The following EIF3B variants were observed in gnomAD, a reference collection of about 807,000 sequenced individuals.
EIF3B encodes the protein eukaryotic translation initiation factor 3 subunit B, also known as eukaryotic translation initiation factor 3 subunit 9.
In EIF3B, 10 loss-of-function variants were observed where a neutral mutation model predicts 104.6. The observed-to-expected ratio is 0.10, with a 90% CI of 0.06 to 0.16. The LOEUF (loss-of-function observed/expected upper bound fraction) is 0.16. Ranked by LOEUF, EIF3B falls within the 10% of genes least tolerant of loss-of-function variation. The pLI is 1.00. For synonymous variants in EIF3B, 542 were observed against 417.2 expected, an observed-to-expected ratio of 1.30 and a Z score of -3.65; for missense variants, 1,014 against 1,087.9, an observed-to-expected ratio of 0.93 and a Z score of 0.96.
At chr7:2,367,215 CTG>C (rs960376156) in intron 9 of EIF3B, 170 bp downstream of exon 9, 1 of 604,554 alleles carries the variant, frequency 1.7e-6, no homozygotes, top group African/African-American at 1.9e-5. Flanking sequence ...TGCAGACTGT[CTG>C]GTGACGGCCC....
chr7:2,366,731 A>T, intron 8 of EIF3B, 140 bp downstream of exon 8: 1 of 995,570 alleles, frequency 1.0e-6, no homozygotes, highest in Non-Finnish European at 1.5e-6. Context: ...GTGCCTTTTT[A>T]ACTGCCCCTG....
chr7:2,367,243 G>A (rs1166686285), intron 9 of EIF3B, 198 bp downstream of exon 9: 2 of 544,902 alleles, frequency 3.7e-6, no homozygotes, highest in Non-Finnish European at 6.4e-6. Context: ...CCTCCTAGTG[G>A]ACAGCCCCTC....
chr7:2,367,102 CAAA>C (rs60382761), intron 9 of EIF3B, 57 bp downstream of exon 9: 9,731 of 819,818 alleles, frequency 0.012, no homozygotes, highest in South Asian at 0.016. Flanking sequence ...AACACAATAC[CAAA>C]AAAAAAAAAA....
chr7:2,379,966 G>A (rs1383863898), intron 18 of EIF3B: 7 of 248,788 alleles, frequency 2.8e-5, no homozygotes, highest in Admixed American at 1.0e-4. Flanking sequence ...GGGGGCCTCC[G>A]CGCCTCACAG....
chr7:2,376,871 C>T lies in EIF3B; in HGVS notation c.2029-79C>T. 5.2e-6 allele frequency: 8 copies of T among 1,552,934 alleles called. No homozygotes were observed. In the South Asian group the frequency reaches 9.7e-5, roughly 19 times the overall value. On this transcript the variant is annotated intron_variant, in intron 14 of 18. Coordinates refer to ENST00000360876, the MANE Select transcript of EIF3B (RefSeq NM_001037283.2). ...TCACACGTGTCCCCGATACCCAGGA[C>T]CTTGTTCAGCAAGTGACATAGTCAC...
In EIF3B at chr7:2,361,977, T is replaced by C. The variant is rs989242212; in HGVS notation, c.693-668T>C. ...CTTATTTATTTATTTATTTATTTAT[T>C]GAGACAGAGTCTTGCTCTGTCACCC... On this transcript the variant is annotated intron_variant, in intron 2 of 18. Transcript: ENST00000360876. Among the ~76,000 whole-genome samples, 8 of 151,824 alleles carry C rather than the reference T, an allele frequency of 5.3e-5. 1 individual carries two copies. Among genetic ancestry groups the C allele is most frequent in the African/African-American group, 1.9e-4 (8 of 41,308 alleles).
upstream of EIF3B, chr7:2,354,089 AC>A (rs1205282744): frequency 6.6e-6 from 1 of 152,372 alleles, no homozygotes; most frequent in Non-Finnish European, 1.5e-5. Flanking sequence ...CCCCCACGTG[AC>A]CCGCGCTGTC....
In EIF3B at chr7:2,360,703, T is replaced by G; in HGVS notation, c.500-7T>G. The G allele has an allele frequency of 1.9e-6, 3 of 1,571,408 alleles. No homozygotes were observed. Among genetic ancestry groups the G allele is most frequent in the Non-Finnish European group, 2.6e-6 (3 of 1,151,518 alleles). Reference sequence around the variant, plus strand: ...AAATGATCATTTGAAAAATCTCTCTTGTTCAGAATTACTGGGAGATGTACT... The same window carrying G: ...AAATGATCATTTGAAAAATCTCTCTGGTTCAGAATTACTGGGAGATGTACT... On this transcript the variant is annotated splice_region_variant and splice_polypyrimidine_tract_variant and intron_variant, in intron 1 of 18. Transcript: ENST00000360876.
rs1042589303 is a variant in EIF3B at position 2,359,858 on chromosome 7, C to T, written c.500-852C>T. The stretch of plus-strand genomic sequence containing the variant: ...GGAGAACTGCTTGATGCGACACCCA[C>T]GTCCGGTGTCAGGCGTTGTGTTGAG... On this transcript the variant is annotated intron_variant, in intron 1 of 18. Coordinates refer to ENST00000360876, the MANE Select transcript of EIF3B (RefSeq NM_001037283.2). 1.1e-4 allele frequency among the ~76,000 whole-genome samples: 17 copies of T among 152,326 alleles called. 1 individual carries two copies. The highest frequency in any genetic ancestry group is 3.6e-4 in the African/African-American group (15 of 41,560).
Position 2,376,814 on chromosome 7 carries a change from G to T in EIF3B, c.2029-136G>T. The T allele has an allele frequency of 2.3e-6, 3 of 1,314,672 alleles. No individual in the cohort carries two copies. The Middle Eastern group carries it at 8.2e-4, about 358-fold the overall frequency. 81.4% of individuals were successfully genotyped at this position (1,314,672 alleles called of 1,614,324 possible). On this transcript the variant is annotated intron_variant, in intron 14 of 18. Transcript: ENST00000360876. The stretch of plus-strand genomic sequence containing the variant: ...GCATTGACTGCCCACCTACCCTGCT[G>T]TCAGCTCAGCACAGGCAGAGCTTTG...
intron 10 of EIF3B, 123 bp downstream of exon 10, chr7:2,369,805 T>A: frequency 5.4e-5 from 38 of 703,154 alleles, no homozygotes; most frequent in Non-Finnish European, 7.4e-5. Flanking sequence ...TGAGATGGAG[T>A]CTCACTCTGT....
At chr7:2,369,903 A>G (rs1780231838) in intron 10 of EIF3B, among the ~76,000 whole-genome samples, 1 of 148,226 alleles carries the variant, frequency 6.7e-6, no homozygotes, top group African/African-American at 2.5e-5. Flanking sequence ...CAGCTTCCCA[A>G]GTAGCTGGGA....
At position 2,360,760 on chromosome 7, in the gene EIF3B, G is replaced by A. The variant is rs770552909; in HGVS notation, c.550G>A (p.Asp184Asn). ...KDRPQEADGI[D>N]SVIVVDNVPQ... is the part of the protein sequence containing the mutation. ...TCGGCCCCAGGAAGCAGATGGAATC[G>A]ATTCGGTGATTGTAGTGGACAATGT... is the stretch of plus-strand genomic sequence containing the variant. The change falls in exon 2 of 19, where the codon GAT (aspartate) becomes AAT (asparagine). Residue 184 changes from aspartate to asparagine, a missense_variant. Around this residue, in one of 4 missense-constraint regions of EIF3B, gnomAD observed 488 missense variants for 404.3 expected, o/e 1.21. Transcript: ENST00000360876. 6.2e-7 allele frequency: 1 copy of A among 1,601,890 alleles called. No individual in the cohort carries two copies. The highest frequency in any genetic ancestry group is 8.5e-7 in the Non-Finnish European group (1 of 1,169,748).
chr7:2,377,254 G>A (rs1780684790), intron 15 of EIF3B, among the ~76,000 whole-genome samples, 179 bp downstream of exon 15: 1 of 152,232 alleles, frequency 6.6e-6, no homozygotes, highest in South Asian at 2.1e-4. Flanking sequence ...ACAGCTTTAG[G>A]ATAGTAACTT....
At chr7:2,366,865 C>A in intron 8 of EIF3B, 134 bp from the exon 9 acceptor site, 1 of 967,982 alleles carries the variant, frequency 1.0e-6, no homozygotes, top group Non-Finnish European at 1.6e-6. Flanking sequence ...GATGGGTTCA[C>A]TGTCACGCTC....
At chr7:2,375,591 ACT>A (rs1780586484) in intron 14 of EIF3B, 64 bp downstream of exon 14, 6 of 1,605,654 alleles carry the variant, frequency 3.7e-6, no homozygotes, top group Non-Finnish European at 5.1e-6. Context: ...CTAGCTGCTG[ACT>A]CTGGTGCTGT....
intron 18 of EIF3B, 115 bp downstream of exon 18, chr7:2,379,626 G>C (rs1444724056): frequency 4.2e-6 from 3 of 719,096 alleles, no homozygotes; most frequent in Non-Finnish European, 4.7e-6. Context: ...TGAAGCCCTA[G>C]TGTCATGTGC....
chr7:2,379,022 T>C (rs112844131), intron 16 of EIF3B, 112 bp from the exon 17 acceptor site: 1 of 896,402 alleles, frequency 1.1e-6, no homozygotes, highest in Non-Finnish European at 1.7e-6. Context: ...CCATTCCTGC[T>C]TGAGTGCCTC....
chr7:2,366,256 A>C, intron 6 of EIF3B, 61 bp from the exon 7 acceptor site: 1 of 1,510,454 alleles, frequency 6.6e-7, no homozygotes, highest in African/African-American at 1.4e-5. Flanking sequence ...CTGGCCGCAC[A>C]GACAGACTGT....
Sources: gnomAD v4.1 joint callset for allele counts (sites outside exome capture counted in the v4.1 genomes callset) on GRCh38, gnomAD v4.1.1 for gene constraint, gnomAD v4.1.1 regional missense constraint, MANE v1.5 for transcripts, NCBI Gene and HGNC (gene_info 2026-07-23, HGNC 2026-07-21) for gene names.